The following CCDC178 variants were observed in gnomAD, a reference collection of about 807,000 sequenced individuals.
CCDC178 encodes the protein coiled-coil domain containing 178.
In CCDC178, 126 loss-of-function variants were observed where a neutral mutation model predicts 117.4. The ratio of observed to expected loss-of-function variants is 1.07; its 90% CI spans 0.93 to 1.24. The LOEUF is 1.24. Among genes scored for constraint, CCDC178 ranks in the 50% most tolerant of loss-of-function variants. The pLI is 0.00. For missense variants in CCDC178, 1,030 were observed against 986.9 expected, an observed-to-expected ratio of 1.04 and a Z score of -0.59; for synonymous variants, 283 against 313.4, an observed-to-expected ratio of 0.90 and a Z score of 1.02.
intron 22 of CCDC178, among the ~76,000 whole-genome samples, chr18:32,948,082 A>AT (rs2054395368): frequency 6.6e-6 from 1 of 151,972 alleles, no homozygotes. Context: ...CCAATGCCTC[A>AT]TTTTTTTGGT....
intron 20 of CCDC178, among the ~76,000 whole-genome samples, chr18:33,209,324 C>G (rs2059081033): frequency 6.6e-6 from 1 of 151,962 alleles, no homozygotes; most frequent in African/African-American, 2.4e-5. Context: ...TGTATATTTT[C>G]TTACCTTTAT....
At chr18:33,346,000 G>A (rs779322206) in intron 9 of CCDC178, among the ~76,000 whole-genome samples, 17 of 151,858 alleles carry the variant, frequency 1.1e-4, no homozygotes, top group Non-Finnish European at 2.2e-4. Context: ...GCTAATTTTC[G>A]TATTTTTTGT....
At chr18:33,281,299 T>C (rs1275261837) in intron 12 of CCDC178, among the ~76,000 whole-genome samples, 1 of 151,880 alleles carries the variant, frequency 6.6e-6, no homozygotes, top group African/African-American at 2.4e-5. Flanking sequence ...CCAAAATCTA[T>C]CTCTTTTACA....
intron 21 of CCDC178, among the ~76,000 whole-genome samples, chr18:33,065,655 G>A (rs1471226798): frequency 2.0e-5 from 3 of 152,090 alleles, no homozygotes; most frequent in African/African-American, 7.2e-5. Flanking sequence ...GCAACAATGA[G>A]ACAAAGACAA....
intron 21 of CCDC178, among the ~76,000 whole-genome samples, chr18:33,077,369 G>A (rs988761696): frequency 6.6e-6 from 1 of 152,072 alleles, no homozygotes; most frequent in Non-Finnish European, 1.5e-5. Context: ...CCTAACCCAA[G>A]TAGCCTGTAA....
intron 22 of CCDC178, among the ~76,000 whole-genome samples, chr18:32,946,114 A>C (rs959332194): frequency 6.6e-6 from 1 of 152,172 alleles, no homozygotes; most frequent in Non-Finnish European, 1.5e-5. Context: ...CTTGTTCCTC[A>C]CACCACTGAA....
At chr18:33,172,867 G>A (rs2058619821) in intron 20 of CCDC178, among the ~76,000 whole-genome samples, 1 of 152,076 alleles carries the variant, frequency 6.6e-6, no homozygotes, top group African/African-American at 2.4e-5. Flanking sequence ...ACACATTTAG[G>A]TCTTTCTATC....
At chr18:32,989,155 G>A (rs2055335280) in intron 21 of CCDC178, among the ~76,000 whole-genome samples, 1 of 152,030 alleles carries the variant, frequency 6.6e-6, no homozygotes, top group East Asian at 1.9e-4. Flanking sequence ...AATAAATGCA[G>A]TAAAAAAACC....
rs574137969 is a variant in CCDC178, at chr18:33,086,425, T to TACAC, written c.2388+6332_2388+6335dup. On this transcript the variant is annotated intron_variant, in intron 21 of 22. Coordinates refer to ENST00000383096, the MANE Select transcript of CCDC178 (RefSeq NM_001105528.4). ...GTATATATACATATATAAATATATA[T>TACAC]ACACACACACACACACACACATATA... is the stretch of plus-strand genomic sequence containing the variant. Among the ~76,000 whole-genome samples the TACAC allele has an allele frequency of 7.0e-3, 1,033 of 147,906 alleles. 16 individuals carry two copies. Among genetic ancestry groups the TACAC allele is most frequent in the African/African-American group, 0.024 (967 of 40,288 alleles).
At chr18:33,022,995 T>G (rs1235321373) in intron 21 of CCDC178, among the ~76,000 whole-genome samples, 1 of 152,176 alleles carries the variant, frequency 6.6e-6, no homozygotes, top group Admixed American at 6.5e-5. Context: ...TGGAGGGACA[T>G]TATATAATAA....
At chr18:33,362,544 T>A (rs1355384652) in intron 6 of CCDC178, among the ~76,000 whole-genome samples, 1 of 151,830 alleles carries the variant, frequency 6.6e-6, no homozygotes, top group African/African-American at 2.4e-5. Context: ...GTTAAATAAG[T>A]AGGTATTTGT....
At chr18:33,308,334 C>T (rs1396011347) in intron 11 of CCDC178, among the ~76,000 whole-genome samples, 1 of 152,198 alleles carries the variant, frequency 6.6e-6, no homozygotes, top group Admixed American at 6.5e-5. Flanking sequence ...TTCAGACTTG[C>T]ATGGGGCCTG....
chr18:33,222,333 CTTCA>C (rs1480171806), intron 18 of CCDC178, among the ~76,000 whole-genome samples: 1 of 148,032 alleles, frequency 6.8e-6, no homozygotes, highest in African/African-American at 2.5e-5. Flanking sequence ...CCCTTCCTTC[CTTCA>C]TTTTCTTTCT....
At chr18:33,395,028 C>G (rs1413617925) in intron 4 of CCDC178, among the ~76,000 whole-genome samples, 1 of 130,342 alleles carries the variant, frequency 7.7e-6, no homozygotes, top group Non-Finnish European at 1.6e-5. Context: ...ACTACTAGGA[C>G]AAAATCTAAA....
intron 15 of CCDC178, among the ~76,000 whole-genome samples, chr18:33,234,867 A>G (rs2059409718): frequency 6.6e-6 from 1 of 152,174 alleles, no homozygotes; most frequent in Non-Finnish European, 1.5e-5. Context: ...GATAAAAATT[A>G]ATGAATTAAT....
At chr18:33,048,275 C>G (rs2056682234) in intron 21 of CCDC178, among the ~76,000 whole-genome samples, 1 of 152,120 alleles carries the variant, frequency 6.6e-6, no homozygotes, top group African/African-American at 2.4e-5. Context: ...TTAAGCCGTG[C>G]CAGTTTCTGG....
At chr18:33,210,458 G>A (rs1395697171) in intron 20 of CCDC178, among the ~76,000 whole-genome samples, 2 of 151,948 alleles carry the variant, frequency 1.3e-5, no homozygotes, top group South Asian at 2.1e-4. Context: ...TCTCTCTCCT[G>A]CTGACCATCT....
rs71159828 is a variant in CCDC178 at position 33,388,519 on chromosome 18, A to ATT, written c.208+1019_208+1020dup. ...AAATGTGGTACATATACACCACGGA[A>ATT]TTTTTTTTTTTTTTTTTTGAGACGG... On this transcript the variant is annotated intron_variant, in intron 5 of 22. Coordinates refer to ENST00000383096, the MANE Select transcript of CCDC178 (RefSeq NM_001105528.4). Among the ~76,000 whole-genome samples, 7 of 65,266 alleles carry ATT rather than the reference A, an allele frequency of 1.1e-4. 1 individual carries two copies. The highest frequency in any genetic ancestry group is 2.5e-4 in the African/African-American group (4 of 15,854). 42.8% of individuals were successfully genotyped at this position (65,266 alleles called of 152,430 possible).
chr18:32,999,896 C>A (rs1000917503), intron 21 of CCDC178, among the ~76,000 whole-genome samples: 7 of 151,674 alleles, frequency 4.6e-5, no homozygotes, highest in African/African-American at 1.7e-4. Context: ...ACAAACAAGC[C>A]CATACTGCAA....
Sources: gnomAD v4.1 joint callset for allele counts (sites outside exome capture counted in the v4.1 genomes callset) on GRCh38, gnomAD v4.1.1 for gene constraint, MANE v1.5 for transcripts, NCBI Gene and HGNC (gene_info 2026-07-23, HGNC 2026-07-21) for gene names.